CERS6: variants seen among roughly 807,000 people sequenced by gnomAD.
CERS6 encodes the protein ceramide synthase 6.
Under a neutral mutation model 56.8 loss-of-function variants are expected in CERS6, and 26 were observed. That is an observed-to-expected ratio of 0.46 (90% confidence interval 0.34 to 0.63). CERS6 has a LOEUF of 0.63. Among genes scored for constraint, CERS6 ranks in the 30% least tolerant of loss-of-function variants. CERS6 has a pLI of 0.01. For missense variants in CERS6, 415 were observed against 467.5 expected (o/e 0.89, Z 1.04); for synonymous variants, 164 against 173.3 (o/e 0.95, Z 0.42).
At chr2:168,678,237 A>G (rs1686115842) in intron 4 of CERS6, among the ~76,000 whole-genome samples, 1 of 152,182 alleles carries the variant, frequency 6.6e-6, no homozygotes, top group African/African-American at 2.4e-5. Flanking sequence ...ACCTTCCTAA[A>G]TTGGATTCAG....
chr2:168,483,218 CT>C (rs1049850577), intron 1 of CERS6, among the ~76,000 whole-genome samples: 2 of 151,842 alleles, frequency 1.3e-5, no homozygotes, highest in African/African-American at 4.8e-5. Flanking sequence ...ATTTTTACTT[CT>C]TTTTTTATAG....
At chr2:168,479,651 C>T (rs889624875) in intron 1 of CERS6, among the ~76,000 whole-genome samples, 2 of 152,096 alleles carry the variant, frequency 1.3e-5, no homozygotes, top group African/African-American at 4.8e-5. Flanking sequence ...TCTTGTTGCC[C>T]AGGCTGGAGT....
At chr2:168,706,045 A>AGTCTTATTGT (rs1686932302) in intron 6 of CERS6, among the ~76,000 whole-genome samples, 2 of 152,178 alleles carry the variant, frequency 1.3e-5, no homozygotes. Flanking sequence ...GTGATTTAGC[A>AGTCTTATTGT]AGGCTCGTAG....
intron 1 of CERS6, among the ~76,000 whole-genome samples, chr2:168,511,495 A>C (rs1166034697): frequency 1.3e-5 from 2 of 151,974 alleles, no homozygotes; most frequent in Non-Finnish European, 2.9e-5. Flanking sequence ...TGTGTGTCTT[A>C]TTGGTGTTCT....
At chr2:168,464,174 T>TTGTGTGTGTGTG (rs35372610) in intron 1 of CERS6, among the ~76,000 whole-genome samples, 6,159 of 139,692 alleles carry the variant, frequency 0.044, 178 homozygotes, top group Non-Finnish European at 0.056. Context: ...TTTATACTTT[T>TTGTGTGTGTGTG]TGTGTGTGTG....
intron 6 of CERS6, among the ~76,000 whole-genome samples, chr2:168,705,175 A>G (rs1686907647): frequency 6.6e-6 from 1 of 152,118 alleles, no homozygotes; most frequent in African/African-American, 2.4e-5. Flanking sequence ...CTCAGTTTCT[A>G]TGTAAAATAG....
chr2:168,570,294 T>TAC (rs1695961591), intron 3 of CERS6, among the ~76,000 whole-genome samples: 1 of 152,190 alleles, frequency 6.6e-6, no homozygotes, highest in Non-Finnish European at 1.5e-5. Context: ...TTTGGCTTGC[T>TAC]ACTGTGTAGC....
At chr2:168,519,616 T>C (rs1449513764) in intron 1 of CERS6, among the ~76,000 whole-genome samples, 1 of 152,192 alleles carries the variant, frequency 6.6e-6, no homozygotes, top group African/African-American at 2.4e-5. Context: ...CAGTATTTGC[T>C]TTTCTGAGAA....
intron 1 of CERS6, 25 bp from the exon 2 acceptor site, chr2:168,547,571 A>G: frequency 6.8e-7 from 1 of 1,462,784 alleles, no homozygotes; most frequent in Non-Finnish European, 9.5e-7. Context: ...CTGACCTTCT[A>G]CTTTTTTCTT....
chr2:168,760,323 G>A (rs749496941), intron 8 of CERS6, among the ~76,000 whole-genome samples: 2 of 152,142 alleles, frequency 1.3e-5, no homozygotes, highest in Non-Finnish European at 2.9e-5. Context: ...CATCCAGCAC[G>A]GGAGAAAGAT....
intron 8 of CERS6, among the ~76,000 whole-genome samples, chr2:168,734,073 G>A (rs1424579969): frequency 1.3e-5 from 2 of 152,134 alleles, no homozygotes; most frequent in African/African-American, 4.8e-5. Context: ...AGAGCTAAAA[G>A]CTCTAAAAGT....
At chr2:168,631,468 A>T (rs28421802) in intron 4 of CERS6, among the ~76,000 whole-genome samples, 36,934 of 122,700 alleles carry the variant, frequency 0.3, 6,306 homozygotes, top group South Asian at 0.47. Context: ...TAAAAATATA[A>T]TATATAATAT....
chr2:168,648,948 G>A (rs1385351126), intron 4 of CERS6, among the ~76,000 whole-genome samples: 1 of 152,126 alleles, frequency 6.6e-6, no homozygotes, highest in African/African-American at 2.4e-5. Context: ...GTGATGATGA[G>A]GAGAATGTAT....
intron 2 of CERS6, among the ~76,000 whole-genome samples, chr2:168,557,996 TA>T (rs1168331590): frequency 5.3e-5 from 8 of 152,072 alleles, no homozygotes; most frequent in Admixed American, 3.9e-4. Context: ...ATACTCTTCA[TA>T]AAAAAATGGA....
intron 1 of CERS6, among the ~76,000 whole-genome samples, chr2:168,480,067 G>A (rs548252686): frequency 1.6e-4 from 24 of 152,320 alleles, no homozygotes; most frequent in African/African-American, 5.3e-4. Context: ...AAATAGTGAG[G>A]ATTGGAATTA....
At chr2:168,651,805 G>T (rs1685349016) in intron 4 of CERS6, among the ~76,000 whole-genome samples, 1 of 152,120 alleles carries the variant, frequency 6.6e-6, no homozygotes. Context: ...AACCATATCA[G>T]TAACTTTAAT....
intron 6 of CERS6, among the ~76,000 whole-genome samples, chr2:168,704,914 T>A (rs1686901090): frequency 6.6e-6 from 1 of 152,210 alleles, no homozygotes; most frequent in South Asian, 2.1e-4. Context: ...TTGTTCTTGA[T>A]CCCCATCTCT....
At chr2:168,562,002 C>T (rs1351910570) in intron 3 of CERS6, among the ~76,000 whole-genome samples, 2 of 152,162 alleles carry the variant, frequency 1.3e-5, no homozygotes, top group Non-Finnish European at 2.9e-5. Flanking sequence ...ACATTGAGAA[C>T]ATCCCCAAGA....
At chr2:168,507,036 C>T (rs1694690618) in intron 1 of CERS6, among the ~76,000 whole-genome samples, 1 of 151,082 alleles carries the variant, frequency 6.6e-6, no homozygotes. Context: ...CATGTGTGCA[C>T]TGTGTGTGTG....
Sources: allele counts gnomAD v4.1 joint callset (sites outside exome capture counted in the v4.1 genomes callset), GRCh38; gene constraint gnomAD v4.1.1; transcripts MANE v1.5; gene names NCBI Gene and HGNC (gene_info 2026-07-23, HGNC 2026-07-21).